ERO1A: variants seen among roughly 807,000 people sequenced by gnomAD.
ERO1A encodes the protein endoplasmic reticulum oxidoreductase 1 alpha.
Under a neutral mutation model 76.9 loss-of-function variants are expected in ERO1A, and 49 were observed. The ratio of observed to expected loss-of-function variants is 0.64; its 90% CI spans 0.51 to 0.81. The LOEUF (loss-of-function observed/expected upper bound fraction) is 0.81. Ranked by LOEUF, ERO1A falls within the 30% of genes least tolerant of loss-of-function variation. The pLI is 0.00. For synonymous variants in ERO1A, 174 were observed against 181.2 expected (o/e 0.96, Z 0.32); for missense variants, 448 against 542.1 (o/e 0.83, Z 1.72).
intron 4 of ERO1A, among the ~76,000 whole-genome samples, chr14:52,674,392 T>C (rs1022311778): frequency 6.6e-6 from 1 of 152,000 alleles, no homozygotes; most frequent in Non-Finnish European, 1.5e-5. Context: ...AGAGATGGGG[T>C]CTCACAATGT....
At chr14:52,661,523 G>C (rs984171699) in intron 8 of ERO1A, among the ~76,000 whole-genome samples, 1 of 152,162 alleles carries the variant, frequency 6.6e-6, no homozygotes, top group Non-Finnish European at 1.5e-5. Context: ...ATCTCCATGA[G>C]TGTACATAAA....
intron 8 of ERO1A, among the ~76,000 whole-genome samples, chr14:52,662,800 G>A (rs2040270248): frequency 6.6e-6 from 1 of 152,134 alleles, no homozygotes; most frequent in South Asian, 2.1e-4. Context: ...CACTGATCAT[G>A]TATCTAACAA....
intron 11 of ERO1A, among the ~76,000 whole-genome samples, chr14:52,654,131 A>T (rs1397329678): frequency 6.6e-6 from 1 of 152,136 alleles, no homozygotes; most frequent in East Asian, 1.9e-4. Context: ...TCATTACTGT[A>T]AAATCTTCTG....
intron 3 of ERO1A, among the ~76,000 whole-genome samples, chr14:52,680,257 A>C (rs1290900525): frequency 6.6e-6 from 1 of 152,100 alleles, no homozygotes; most frequent in African/African-American, 2.4e-5. Flanking sequence ...TCAAACAATA[A>C]ATATATATTT....
chr14:52,675,470 T>G (rs988754749), intron 4 of ERO1A, among the ~76,000 whole-genome samples: 10 of 152,296 alleles, frequency 6.6e-5, no homozygotes, highest in Admixed American at 6.5e-4. Context: ...TATTTTTAAT[T>G]TTTCATAATA....
chr14:52,695,315 T>C (rs1168214569), intron 1 of ERO1A, 53 bp downstream of exon 1: 3 of 1,252,298 alleles, frequency 2.4e-6, no homozygotes, highest in African/African-American at 3.1e-5. Context: ...TGCGGGACAG[T>C]GCACGCCGCG....
rs542043452 is a variant in ERO1A, at chr14:52,641,933, G to A, written c.*1637C>T. The A allele has an allele frequency of 1.4e-4, 22 of 152,294 alleles. No individual in the cohort carries two copies. The highest frequency in any genetic ancestry group is 2.8e-4 in the Non-Finnish European group (19 of 68,032). 9.4% of individuals were successfully genotyped at this position (152,294 alleles called of 1,614,324 possible). On this transcript the variant is annotated 3_prime_UTR_variant, in exon 16 of 16. Coordinates refer to ENST00000395686, the MANE Select transcript of ERO1A (RefSeq NM_014584.3). ...GGATACCAAGTATGTGCTTGGCACT[G>A]TACCAGGCCTTAGGGACACAGAAGA... is the stretch of plus-strand genomic sequence containing the variant.
chr14:52,678,412 A>T, intron 4 of ERO1A, 22 bp downstream of exon 4: 1 of 1,606,068 alleles, frequency 6.2e-7, no homozygotes, highest in South Asian at 1.1e-5. Flanking sequence ...TACTGGACAC[A>T]TCAATAGGTA....
chr14:52,688,607 T>G (rs1195438980), intron 1 of ERO1A, among the ~76,000 whole-genome samples: 1 of 152,194 alleles, frequency 6.6e-6, no homozygotes, highest in Non-Finnish European at 1.5e-5. Context: ...ACATGGCATT[T>G]TCATAATGAA....
intron 4 of ERO1A, among the ~76,000 whole-genome samples, chr14:52,675,068 T>C (rs144510120): frequency 6.6e-5 from 10 of 152,254 alleles, no homozygotes; most frequent in Non-Finnish European, 8.8e-5. Flanking sequence ...AACAGACATG[T>C]GGTAAAGTGA....
intron 13 of ERO1A, among the ~76,000 whole-genome samples, chr14:52,651,637 CTGT>C (rs972940292): frequency 2.6e-5 from 4 of 152,040 alleles, no homozygotes; most frequent in Non-Finnish European, 4.4e-5. Context: ...TCAAGATATA[CTGT>C]TAAGTATATA....
intron 12 of ERO1A, 116 bp from the exon 13 acceptor site, chr14:52,652,424 C>T: frequency 1.6e-6 from 1 of 636,398 alleles, no homozygotes. Context: ...GTAAAACCAA[C>T]ACTCCGATGC....
intron 12 of ERO1A, among the ~76,000 whole-genome samples, chr14:52,652,681 T>C (rs2039912127): frequency 6.6e-6 from 1 of 152,180 alleles, no homozygotes; most frequent in South Asian, 2.1e-4. Flanking sequence ...TAAATAGTTT[T>C]CCTTTCTCTA....
At chr14:52,675,565 G>A (rs927018003) in intron 4 of ERO1A, among the ~76,000 whole-genome samples, 10 of 151,606 alleles carry the variant, frequency 6.6e-5, no homozygotes, top group African/African-American at 2.4e-4. Flanking sequence ...TGTACTCTCT[G>A]CAGCTGCACG....
At chr14:52,690,790 G>C (rs1298500131) in intron 1 of ERO1A, among the ~76,000 whole-genome samples, 1 of 152,018 alleles carries the variant, frequency 6.6e-6, no homozygotes, top group South Asian at 2.1e-4. Context: ...CTTCTGACAC[G>C]CAGTTTTGCT....
At chr14:52,659,427 C>A (rs996910230) in intron 9 of ERO1A, among the ~76,000 whole-genome samples, 1 of 152,050 alleles carries the variant, frequency 6.6e-6, no homozygotes, top group African/African-American at 2.4e-5. Flanking sequence ...AGCAGAGAAG[C>A]GTATCTGGTA....
intron 15 of ERO1A, among the ~76,000 whole-genome samples, chr14:52,644,135 A>C (rs890321091): frequency 6.6e-6 from 1 of 152,052 alleles, no homozygotes; most frequent in South Asian, 2.1e-4. Context: ...GCCAGATCCT[A>C]TCTCTAAAAA....
intron 1 of ERO1A, among the ~76,000 whole-genome samples, chr14:52,688,079 A>G (rs960131862): frequency 2.6e-5 from 4 of 152,154 alleles, no homozygotes; most frequent in Non-Finnish European, 5.9e-5. Flanking sequence ...CCAGCCACTT[A>G]GGAGGCTAAG....
chr14:52,661,351 C>A, intron 8 of ERO1A, 47 bp from the exon 9 acceptor site: 1 of 1,403,590 alleles, frequency 7.1e-7, no homozygotes, highest in South Asian at 1.7e-5. Flanking sequence ...CCTTCCAGTG[C>A]CCCTTTTATA....
Sources: allele counts gnomAD v4.1 joint callset (sites outside exome capture counted in the v4.1 genomes callset), GRCh38; gene constraint gnomAD v4.1.1; transcripts MANE v1.5; gene names NCBI Gene and HGNC (gene_info 2026-07-23, HGNC 2026-07-21).